PACS1: variants seen among roughly 807,000 people sequenced by gnomAD.
PACS1 encodes the protein phosphofurin acidic cluster sorting protein 1, also known as PACS-1.
PACS1 carries 24 observed loss-of-function variants against 115.0 expected under a neutral mutation model. The observed-to-expected ratio is 0.21, with a 90% confidence interval of 0.15 to 0.29. The LOEUF (loss-of-function observed/expected upper bound fraction) is 0.29, where lower values mean the gene tolerates loss of function less well. PACS1 is among the 10% of genes least tolerant of loss of function. The probability of loss-of-function intolerance (pLI) is 1.00; values close to 1 mark genes in which losing one functional copy is unlikely to be tolerated. For missense variants in PACS1, 838 were observed against 1,251.2 expected (o/e 0.67, Z 4.98); for synonymous variants, 453 against 504.5 (o/e 0.90, Z 1.37).
At chr11:66,232,934 C>G (rs1004484458) in intron 14 of PACS1, 26 bp from the exon 15 acceptor site, 2 of 1,554,072 alleles carry the variant, frequency 1.3e-6, no homozygotes, top group African/African-American at 2.7e-5. Context: ...CACCTGTGTC[C>G]CTGCTCTCCT....
chr11:66,235,816 A>C lies in PACS1; in HGVS notation c.2208-82A>C. On this transcript the variant is annotated intron_variant, in intron 18 of 23. Coordinates refer to ENST00000320580, the MANE Select transcript of PACS1 (RefSeq NM_018026.4). The surrounding 1 kb of genome is among the most constrained non-coding windows in gnomAD (Gnocchi z 5.6). ...GCATCCTGGACTCTGCTGCAGCCAC[A>C]GTGAGATAGGAAAGGCCAATTCCCC... 1 of 1,163,530 alleles carries C rather than the reference A, an allele frequency of 8.6e-7. No homozygotes were observed. Among genetic ancestry groups the C allele is most frequent in the Non-Finnish European group, 1.3e-6 (1 of 770,668 alleles). 72.1% of individuals were successfully genotyped at this position (1,163,530 alleles called of 1,614,324 possible).
intron 2 of PACS1, among the ~76,000 whole-genome samples, chr11:66,200,287 G>A (rs1168078044): frequency 6.6e-6 from 1 of 152,098 alleles, no homozygotes. Context: ...GGAGGTTAAG[G>A]CTAAAGTGAG....
At position 66,177,180 on chromosome 11, in the gene PACS1, T is replaced by G. The variant is rs555722016; in HGVS notation, c.357-16306T>G. ...AGGATCTCCAGGTTTAAAAATACTT[T>G]CAGAAATGTTCTGAGAGGAGAAATT... On this transcript the variant is annotated intron_variant, in intron 1 of 23. Coordinates refer to ENST00000320580, the MANE Select transcript of PACS1 (RefSeq NM_018026.4). Among the ~76,000 whole-genome samples, 3 of 152,292 alleles carry G rather than the reference T, an allele frequency of 2.0e-5. No individual in the cohort carries two copies. In the East Asian group the frequency reaches 5.8e-4, roughly 29 times the overall value.
intron 1 of PACS1, among the ~76,000 whole-genome samples, chr11:66,142,722 A>G (rs1405740346): frequency 2.0e-5 from 3 of 151,972 alleles, no homozygotes; most frequent in African/African-American, 7.3e-5. Context: ...CCTGAAAAAG[A>G]AGGTTTGTGA....
intron 1 of PACS1, among the ~76,000 whole-genome samples, chr11:66,106,200 CGG>C (rs1446909334): frequency 6.6e-6 from 1 of 151,926 alleles, no homozygotes; most frequent in Non-Finnish European, 1.5e-5. Context: ...GAGGCTGAGG[CGG>C]AAGGAGCACA....
intron 1 of PACS1, among the ~76,000 whole-genome samples, chr11:66,112,249 C>G (rs1388143661): frequency 6.6e-6 from 1 of 152,220 alleles, no homozygotes; most frequent in Non-Finnish European, 1.5e-5. Context: ...TGGCCTCTGC[C>G]TGCTCTCCAG....
At chr11:66,173,874 G>A (rs958084492) in intron 1 of PACS1, among the ~76,000 whole-genome samples, 4 of 151,964 alleles carry the variant, frequency 2.6e-5, no homozygotes, top group Admixed American at 6.6e-5. Context: ...CCAACATGGC[G>A]AAACCCTGTC....
intron 2 of PACS1, among the ~76,000 whole-genome samples, chr11:66,197,601 C>T (rs961780441): frequency 6.6e-6 from 1 of 152,068 alleles, no homozygotes; most frequent in African/African-American, 2.4e-5. Context: ...CAAGACCATC[C>T]TGGGCAACAC....
intron 1 of PACS1, among the ~76,000 whole-genome samples, chr11:66,117,896 GATA>G: frequency 6.6e-6 from 1 of 152,250 alleles, no homozygotes; most frequent in South Asian, 2.1e-4. Context: ...TGCTTTATGT[GATA>G]ATGATGCGGT....
intron 1 of PACS1, among the ~76,000 whole-genome samples, chr11:66,074,055 C>G (rs1270160761): frequency 6.6e-6 from 1 of 151,766 alleles, no homozygotes; most frequent in African/African-American, 2.4e-5. Context: ...GCCACTGTGC[C>G]CAGCCTTTTA....
chr11:66,087,930 G>A lies in PACS1; in HGVS notation c.356+17088G>A, dbSNP rs566789937. On this transcript the variant is annotated intron_variant, in intron 1 of 23. Transcript: ENST00000320580. ...TTTTTTTTGCCTTTTTCAAGGCAAA[G>A]AATTGGGCTGGAGTAAAATGATTTC... is the stretch of plus-strand genomic sequence containing the variant. Among the ~76,000 whole-genome samples, 3 of 152,126 alleles carry A rather than the reference G, an allele frequency of 2.0e-5. No homozygotes were observed. In the South Asian group the frequency reaches 6.2e-4, roughly 32 times the overall value.
rs922109627 is a variant in PACS1 at position 66,235,234 on chromosome 11, C to T, written c.2105-67C>T. The T allele has an allele frequency of 1.4e-5, 17 of 1,175,820 alleles. 1 individual carries two copies. Among genetic ancestry groups the T allele is most frequent in the African/African-American group, 4.5e-5 (3 of 66,724 alleles). 72.8% of individuals were successfully genotyped at this position (1,175,820 alleles called of 1,614,324 possible). A position where few individuals can be genotyped will look rare whatever the true frequency, so the allele number is the denominator to read the frequency against. On this transcript the variant is annotated intron_variant, in intron 17 of 23. Coordinates refer to ENST00000320580, the MANE Select transcript of PACS1 (RefSeq NM_018026.4). This position sits in a 1 kb window ranked among gnomAD's most constrained non-coding sequence, Gnocchi z 5.6. Reference sequence around the variant, plus strand: ...CGGGTCTCAGGAAGGGATCCCTCTCCGAGAGGGTCTGCAGGTTTGCCAGCT... The same window carrying T: ...CGGGTCTCAGGAAGGGATCCCTCTCTGAGAGGGTCTGCAGGTTTGCCAGCT...
chr11:66,175,325 C>G (rs1859831282), intron 1 of PACS1, among the ~76,000 whole-genome samples: 1 of 152,028 alleles, frequency 6.6e-6, no homozygotes, highest in Non-Finnish European at 1.5e-5. Context: ...TCTACAGATT[C>G]ACAGTAATAT....
intron 1 of PACS1, among the ~76,000 whole-genome samples, chr11:66,072,858 A>G (rs1055926155): frequency 1.4e-4 from 22 of 152,218 alleles, no homozygotes; most frequent in Non-Finnish European, 5.9e-5. Context: ...GCCTACTGGC[A>G]AGGAGCTGCA....
At chr11:66,088,455 C>T (rs145502750) in intron 1 of PACS1, among the ~76,000 whole-genome samples, 6 of 152,290 alleles carry the variant, frequency 3.9e-5, no homozygotes, top group African/African-American at 1.4e-4. Flanking sequence ...TGGATTAAGA[C>T]ACATTTCCCC....
intron 23 of PACS1, 60 bp downstream of exon 23, chr11:66,243,091 A>T (rs949794297): frequency 6.2e-7 from 1 of 1,612,618 alleles, no homozygotes; most frequent in Admixed American, 1.7e-5. Context: ...GGAGGCAGGC[A>T]ATGGCCTTTC....
intron 1 of PACS1, among the ~76,000 whole-genome samples, chr11:66,187,321 A>G (rs1002020296): frequency 6.6e-6 from 1 of 152,168 alleles, no homozygotes; most frequent in Admixed American, 6.5e-5. Flanking sequence ...CTTTGTGTTG[A>G]GAACATTGAC....
chr11:66,192,200 A>G (rs1275525020), intron 1 of PACS1, among the ~76,000 whole-genome samples: 1 of 152,188 alleles, frequency 6.6e-6, no homozygotes, highest in Non-Finnish European at 1.5e-5. Flanking sequence ...TAATGTAACA[A>G]ATATTTGCTG....
At chr11:66,122,842 G>A (rs1295481730) in intron 1 of PACS1, among the ~76,000 whole-genome samples, 2 of 152,188 alleles carry the variant, frequency 1.3e-5, no homozygotes, top group Non-Finnish European at 2.9e-5. Flanking sequence ...TAAAGATGCT[G>A]TGAACACTGT....
Sources: gnomAD v4.1 joint callset for allele counts (sites outside exome capture counted in the v4.1 genomes callset) on GRCh38, gnomAD v4.1.1 for gene constraint, Gnocchi (gnomAD v3.1) non-coding constraint, MANE v1.5 for transcripts, NCBI Gene and HGNC (gene_info 2026-07-23, HGNC 2026-07-21) for gene names.